ADCY2: variants seen among roughly 807,000 people sequenced by gnomAD.
The protein encoded by ADCY2 is adenylate cyclase 2, also known as adenylate cyclase type 2.
A neutral mutation model predicts 125.2 loss-of-function variants in ADCY2; 31 were observed. The ratio of observed to expected loss-of-function variants is 0.25; its 90% CI spans 0.19 to 0.33. ADCY2 has a LOEUF of 0.33. Among genes scored for constraint, ADCY2 ranks in the 10% least tolerant of loss-of-function variants. The pLI, the probability that ADCY2 is intolerant of heterozygous loss-of-function variation, is 1.00. For missense variants in ADCY2, 904 were observed against 1,418.2 expected (o/e 0.64, Z 5.82); for synonymous variants, 512 against 548.4 (o/e 0.93, Z 0.93).
At chr5:7,531,372 C>T (rs542457165) in intron 3 of ADCY2, among the ~76,000 whole-genome samples, 96 of 152,298 alleles carry the variant, frequency 6.3e-4, no homozygotes, top group Non-Finnish European at 1.1e-3. Flanking sequence ...TGAAGAAATG[C>T]ACTTCTACAG....
chr5:7,628,837 A>T (rs933726803), intron 4 of ADCY2, among the ~76,000 whole-genome samples: 1 of 151,784 alleles, frequency 6.6e-6, no homozygotes, highest in Admixed American at 6.6e-5. Context: ...AAAAAAAAAA[A>T]CCATCAGTAA....
At chr5:7,762,998 T>G (rs1026302074) in intron 16 of ADCY2, among the ~76,000 whole-genome samples, 22 of 152,350 alleles carry the variant, frequency 1.4e-4, no homozygotes, top group African/African-American at 4.8e-4. Flanking sequence ...CTATGATTTT[T>G]TTTAAGTTTT....
chr5:7,612,834 G>A (rs1737611858), intron 3 of ADCY2, among the ~76,000 whole-genome samples: 1 of 152,110 alleles, frequency 6.6e-6, no homozygotes, highest in African/African-American at 2.4e-5. Flanking sequence ...GGCTAACACG[G>A]TGAAACCCCG....
chr5:7,722,151 G>A (rs772962713), intron 12 of ADCY2, among the ~76,000 whole-genome samples: 12 of 152,136 alleles, frequency 7.9e-5, no homozygotes, highest in South Asian at 2.1e-4. Context: ...GGACTCAGTC[G>A]TGTCCCCAAG....
intron 2 of ADCY2, among the ~76,000 whole-genome samples, chr5:7,487,416 C>T (rs907003615): frequency 2.6e-5 from 4 of 152,204 alleles, no homozygotes; most frequent in Admixed American, 1.3e-4. Context: ...TTATGGGCCT[C>T]ATCATAAACA....
At chr5:7,769,000 C>T (rs375823595) in intron 17 of ADCY2, among the ~76,000 whole-genome samples, 14 of 152,270 alleles carry the variant, frequency 9.2e-5, no homozygotes, top group Non-Finnish European at 1.5e-4. Context: ...GCCAAACAGG[C>T]GTCATTTCTC....
chr5:7,491,133 G>A (rs1579498022), intron 2 of ADCY2, among the ~76,000 whole-genome samples: 2 of 152,172 alleles, frequency 1.3e-5, no homozygotes, highest in East Asian at 3.8e-4. Context: ...AATGGTAGCT[G>A]AGTGTTTTAC....
intron 3 of ADCY2, among the ~76,000 whole-genome samples, chr5:7,621,433 A>G (rs1177956513): frequency 2.6e-5 from 4 of 152,210 alleles, no homozygotes; most frequent in African/African-American, 4.8e-5. Flanking sequence ...CACCTTCCCC[A>G]TCCCCTAGAG....
intron 6 of ADCY2, among the ~76,000 whole-genome samples, chr5:7,697,207 C>T (rs1740922707): frequency 6.6e-6 from 1 of 152,008 alleles, no homozygotes; most frequent in Admixed American, 6.6e-5. Context: ...TCACAGGTAT[C>T]AGGACTGACT....
intron 12 of ADCY2, among the ~76,000 whole-genome samples, chr5:7,721,620 G>A (rs1328898539): frequency 2.0e-5 from 3 of 152,176 alleles, no homozygotes. Flanking sequence ...CGTATAGCTA[G>A]CCAGTTTTCC....
intron 2 of ADCY2, among the ~76,000 whole-genome samples, chr5:7,512,786 G>T (rs563447710): frequency 6.6e-6 from 1 of 152,270 alleles, no homozygotes; most frequent in East Asian, 1.9e-4. Context: ...CCCATGTGAA[G>T]TTCTGTGAAG....
intron 3 of ADCY2, among the ~76,000 whole-genome samples, chr5:7,531,677 C>T (rs772819543): frequency 2.0e-5 from 3 of 152,184 alleles, no homozygotes; most frequent in Non-Finnish European, 4.4e-5. Context: ...CCTGTCTTCA[C>T]GTGTCCTTCT....
At chr5:7,803,669 T>C (rs560572156) in intron 21 of ADCY2, among the ~76,000 whole-genome samples, 1 of 152,104 alleles carries the variant, frequency 6.6e-6, no homozygotes, top group Admixed American at 6.5e-5. Context: ...GTGGCCAAGG[T>C]GGGAGGATCG....
intron 3 of ADCY2, among the ~76,000 whole-genome samples, chr5:7,573,810 G>A (rs1323334264): frequency 2.7e-5 from 4 of 148,720 alleles, no homozygotes; most frequent in Non-Finnish European, 6.0e-5. Context: ...TGCACATTGT[G>A]CAGGTTAGAT....
intron 2 of ADCY2, among the ~76,000 whole-genome samples, chr5:7,464,956 A>G (rs569521294): frequency 1.3e-5 from 2 of 152,320 alleles, no homozygotes; most frequent in Admixed American, 1.3e-4. Context: ...AGGCCTCACC[A>G]TCATGGTGGA....
chr5:7,512,233 A>AAAAAAAAAAAAAAAAAAAG (rs1561066830), intron 2 of ADCY2, among the ~76,000 whole-genome samples: 1 of 143,754 alleles, frequency 7.0e-6, no homozygotes, highest in Admixed American at 6.9e-5. Flanking sequence ...AAAAAAAAAA[A>AAAAAAAAAAAAAAAAAAAG]AAAAAAAGAA....
intron 2 of ADCY2, among the ~76,000 whole-genome samples, chr5:7,427,189 T>G (rs1740417552): frequency 6.6e-6 from 1 of 152,208 alleles, no homozygotes; most frequent in Non-Finnish European, 1.5e-5. Context: ...TACTCCAATG[T>G]CACGTGTTTT....
intron 3 of ADCY2, among the ~76,000 whole-genome samples, chr5:7,555,687 T>G (rs55922718): frequency 6.6e-6 from 1 of 151,950 alleles, no homozygotes; most frequent in Non-Finnish European, 1.5e-5. Context: ...CCCATAACTT[T>G]AGGCTCCATT....
intron 2 of ADCY2, among the ~76,000 whole-genome samples, chr5:7,514,628 G>T (rs549048439): frequency 1.6e-4 from 24 of 152,312 alleles, no homozygotes; most frequent in African/African-American, 5.8e-4. Flanking sequence ...TAGGGTCTTT[G>T]CAGATGTCAT....
Sources: gnomAD v4.1 joint callset for allele counts (sites outside exome capture counted in the v4.1 genomes callset) on GRCh38, gnomAD v4.1.1 for gene constraint, MANE v1.5 for transcripts, NCBI Gene and HGNC (gene_info 2026-07-23, HGNC 2026-07-21) for gene names.